The following HSPA14 variants were observed in gnomAD, a reference collection of about 807,000 sequenced individuals.
HSPA14 encodes the protein heat shock 70 kDa protein 14.
HSPA14 carries 37 observed loss-of-function variants against 65.5 expected under a neutral mutation model. The ratio of observed to expected loss-of-function variants is 0.56; its 90% CI spans 0.43 to 0.74. The LOEUF (loss-of-function observed/expected upper bound fraction) is 0.74, where lower values mean the gene tolerates loss of function less well. Ranked by LOEUF, HSPA14 falls within the 30% of genes least tolerant of loss-of-function variation. The pLI, the probability that HSPA14 is intolerant of heterozygous loss-of-function variation, is 0.00. For synonymous variants in HSPA14, 203 were observed against 214.2 expected, an observed-to-expected ratio of 0.95 and a Z score of 0.46; for missense variants, 564 against 607.6, an observed-to-expected ratio of 0.93 and a Z score of 0.75.
At chr10:14,857,170 T>G (rs1479692213) in intron 10 of HSPA14, among the ~76,000 whole-genome samples, 1 of 152,208 alleles carries the variant, frequency 6.6e-6, no homozygotes, top group Non-Finnish European at 1.5e-5. Flanking sequence ...CACTGTCAGT[T>G]TTTCACTGTG....
intron 12 of HSPA14, 75 bp downstream of exon 12, chr10:14,867,984 A>G (rs1381761251): frequency 1.0e-5 from 12 of 1,183,494 alleles, no homozygotes; most frequent in Non-Finnish European, 1.4e-5. Context: ...ATATCTTAAT[A>G]CAAAATGTGT....
chr10:14,849,830 T>A lies in HSPA14; in HGVS notation c.467+19T>A. ...CTCTTGGGTAAGTATATGGGGTTTA[T>A]CTTACTGGCTTAATTAAAGGAAGTA... is the stretch of plus-strand genomic sequence containing the variant. On this transcript the variant is annotated intron_variant, in intron 6 of 13. Transcript: ENST00000378372. 6.9e-7 allele frequency: 1 copy of A among 1,454,394 alleles called. No homozygotes were observed. Among genetic ancestry groups the A allele is most frequent in the Non-Finnish European group, 9.6e-7 (1 of 1,044,282 alleles). The allele number at this position is 1,454,394 out of a possible 1,614,324, so 90.1% of individuals were successfully genotyped here.
At position 14,849,290 on chromosome 10, in the gene HSPA14, A is replaced by T. The variant is rs1456729984; in HGVS notation, c.376+395A>T. ...CTCTGAGCTGAGTGGTATTCTGTCG[A>T]ACAATTTGGGAAATTCTGGAATAGA... On this transcript the variant is annotated intron_variant, in intron 5 of 13. Coordinates refer to ENST00000378372, the MANE Select transcript of HSPA14 (RefSeq NM_016299.4). 6.5e-5 allele frequency: 27 copies of T among 413,702 alleles called. No homozygotes were observed. The Admixed American group carries it at 7.5e-4, about 12-fold the overall frequency. 25.6% of individuals were successfully genotyped at this position (413,702 alleles called of 1,614,324 possible). A position where few individuals can be genotyped will look rare whatever the true frequency, so the allele number is the denominator to read the frequency against.
At position 14,840,131 on chromosome 10, in the gene HSPA14, G is replaced by T; in HGVS notation, c.195G>T (p.Met65Ile). ...SRIRNISNTV[M>I]KVKQILGRSS... Reference sequence around the variant, plus strand: ...TAAGAAATATTTCAAATACAGTAATGAAAGTAAAGCAGATCCTGGGCAGAA... The same window carrying T: ...TAAGAAATATTTCAAATACAGTAATTAAAGTAAAGCAGATCCTGGGCAGAA... The change falls in exon 3 of 14, where the codon ATG becomes ATT. Residue 65 changes from methionine (M) to isoleucine (I), a missense_variant. Physicochemically the swap from Met to Ile is conservative, Grantham distance 10 (BLOSUM62 1). Coordinates refer to ENST00000378372, the MANE Select transcript of HSPA14 (RefSeq NM_016299.4). 6.8e-7 allele frequency: 1 copy of T among 1,471,638 alleles called. No homozygotes were observed. The highest frequency in any genetic ancestry group is 9.1e-7 in the Non-Finnish European group (1 of 1,099,670). The allele number at this position is 1,471,638 out of a possible 1,614,324, so 91.2% of individuals were successfully genotyped here.
intron 3 of HSPA14, chr10:14,845,595 A>ATT (rs1282242169): frequency 3.3e-6 from 3 of 909,116 alleles, no homozygotes; most frequent in African/African-American, 3.7e-5. Flanking sequence ...TTCTATTATT[A>ATT]TTATTTTTTT....
chr10:14,844,873 C>G, intron 3 of HSPA14: 1 of 985,288 alleles, frequency 1.0e-6, no homozygotes, highest in East Asian at 1.1e-4. Context: ...TCATTCTTTT[C>G]TGTTATTTTT....
Position 14,855,817 on chromosome 10 carries a change from CTGTG to C in HSPA14, c.891-16_891-13del. 8.6e-7 allele frequency: 1 copy of C among 1,160,766 alleles called. No individual in the cohort carries two copies. The highest frequency in any genetic ancestry group is 1.3e-6 in the Non-Finnish European group (1 of 780,774). 71.9% of individuals were successfully genotyped at this position (1,160,766 alleles called of 1,614,324 possible). A position where few individuals can be genotyped will look rare whatever the true frequency, so the allele number is the denominator to read the frequency against. ...CTCTTGTCCCTGTGTCTGTGTGTTT[CTGTG>C]TGTGTGTATGTGTGTACAGAGCAAG... On this transcript the variant is annotated intron_variant, in intron 9 of 13. Coordinates refer to ENST00000378372, the MANE Select transcript of HSPA14 (RefSeq NM_016299.4).
chr10:14,849,676 G>C (rs750111876), intron 5 of HSPA14, 45 bp from the exon 6 acceptor site: 3 of 1,365,612 alleles, frequency 2.2e-6, no homozygotes, highest in East Asian at 4.6e-5. Context: ...AGTATCACTT[G>C]TCATTTTCTT....
chr10:14,854,409 T>C (rs1035077078), intron 9 of HSPA14, 129 bp downstream of exon 9: 6 of 702,802 alleles, frequency 8.5e-6, no homozygotes, highest in East Asian at 8.3e-5. Context: ...GTCTTCACTT[T>C]ATTGGGGTCC....
intron 3 of HSPA14, chr10:14,846,195 C>G (rs891321050): frequency 1.3e-5 from 13 of 985,036 alleles, no homozygotes; most frequent in Non-Finnish European, 1.6e-5. Flanking sequence ...TTGTCTTAGG[C>G]TATTATATGG....
intron 9 of HSPA14, 63 bp from the exon 10 acceptor site, chr10:14,855,778 C>T: frequency 2.5e-6 from 2 of 815,052 alleles, no homozygotes; most frequent in Non-Finnish European, 4.1e-6. Context: ...TGTACTGAGC[C>T]CCGTTTTATC....
intron 3 of HSPA14, chr10:14,845,031 T>C (rs1398922511): frequency 2.9e-5 from 29 of 985,326 alleles, no homozygotes; most frequent in Non-Finnish European, 3.5e-5. Context: ...CTCTTTAACT[T>C]TGGGAACACT....
intron 6 of HSPA14, 125 bp from the exon 7 acceptor site, chr10:14,851,094 T>TTA: frequency 1.6e-6 from 1 of 630,470 alleles, no homozygotes. Flanking sequence ...CTAAAGATCA[T>TTA]TATACTTCAT....
At chr10:14,843,604 CCAAGGTGGG>C (rs1834004419) in intron 3 of HSPA14, 1 of 1,550,506 alleles carries the variant, frequency 6.4e-7, no homozygotes, top group Non-Finnish European at 8.7e-7. Context: ...TGAGCCCCCT[CCAAGGTGGG>C]CAAGGCGAAG....
In HSPA14 at chr10:14,842,538, G is replaced by A. The variant is rs1365297537; in HGVS notation, c.221+2381G>A. ...TATGTTGCCCATGCCACAAGTATGGGTGAGCCACCACACTGTCCATTTTAT... is the reference window on the plus strand; with the variant it reads ...TATGTTGCCCATGCCACAAGTATGGATGAGCCACCACACTGTCCATTTTAT... On this transcript the variant is annotated intron_variant, in intron 3 of 13. Coordinates refer to ENST00000378372, the MANE Select transcript of HSPA14 (RefSeq NM_016299.4). This position sits in a 1 kb window ranked among gnomAD's most constrained non-coding sequence, Gnocchi z 5.2. 4 of 1,536,144 alleles carry A rather than the reference G, an allele frequency of 2.6e-6. No individual in the cohort carries two copies. Among genetic ancestry groups the A allele is most frequent in the Non-Finnish European group, 3.5e-6 (4 of 1,146,920 alleles).
chr10:14,838,575 C>T (rs1241507484), intron 1 of HSPA14, 116 bp downstream of exon 1: 49 of 1,041,976 alleles, frequency 4.7e-5, no homozygotes, highest in Non-Finnish European at 6.5e-5. Flanking sequence ...CGTGGAGTGG[C>T]GTTGCCGCGA....
intron 3 of HSPA14, chr10:14,845,447 A>G: frequency 1.0e-6 from 1 of 985,364 alleles, no homozygotes; most frequent in Non-Finnish European, 1.2e-6. Context: ...CCATGAGTAG[A>G]CGGCAAGCGA....
chr10:14,857,594 A>C (rs1832715771), intron 10 of HSPA14, among the ~76,000 whole-genome samples: 1 of 152,056 alleles, frequency 6.6e-6, no homozygotes, highest in African/African-American at 2.4e-5. Flanking sequence ...TTAATCATTT[A>C]AATCTTTTTT....
At chr10:14,868,130 T>C (rs1292078973) in intron 12 of HSPA14, among the ~76,000 whole-genome samples, 2 of 152,242 alleles carry the variant, frequency 1.3e-5, no homozygotes, top group African/African-American at 4.8e-5. Context: ...TCTGGGTATT[T>C]AGACTGCTTC....
Sources: gnomAD v4.1 joint callset for allele counts (sites outside exome capture counted in the v4.1 genomes callset) on GRCh38, gnomAD v4.1.1 for gene constraint, Gnocchi (gnomAD v3.1) non-coding constraint, MANE v1.5 for transcripts, NCBI Gene and HGNC (gene_info 2026-07-23, HGNC 2026-07-21) for gene names.